Variants in CACNA1A observed in about 807,000 individuals in gnomAD.
CACNA1A encodes the protein calcium voltage-gated channel subunit alpha1 A.
In CACNA1A, 57 loss-of-function variants were observed where a neutral mutation model predicts 262.4. The observed-to-expected ratio is 0.22, with a 90% CI of 0.18 to 0.27. The LOEUF (loss-of-function observed/expected upper bound fraction) is 0.27. Among genes scored for constraint, CACNA1A ranks in the 10% least tolerant of loss-of-function variants. The pLI is 1.00. For synonymous variants in CACNA1A, 1,431 were observed against 1,419.3 expected, an observed-to-expected ratio of 1.01 and a Z score of -0.18; for missense variants, 2,526 against 3,562.8, an observed-to-expected ratio of 0.71 and a Z score of 7.41.
intron 3 of CACNA1A, among the ~76,000 whole-genome samples, chr19:13,402,757 CACATATATATACATATATAT>C (rs1451727680): frequency 2.8e-5 from 4 of 140,824 alleles, no homozygotes; most frequent in Non-Finnish European, 3.0e-5. Flanking sequence ...TATATATACA[CACATATATATACATATATAT>C]ACATATATAT....
At chr19:13,323,769 T>C (rs1213413139) in intron 10 of CACNA1A, among the ~76,000 whole-genome samples, 1 of 152,232 alleles carries the variant, frequency 6.6e-6, no homozygotes, top group African/African-American at 2.4e-5. Flanking sequence ...AATTTTTTAG[T>C]TTGATACGAT....
In CACNA1A at chr19:13,277,107, C is replaced by G; in HGVS notation, c.3844G>C (p.Val1282Leu). Reference protein sequence around the residue: ...RNNVLRYFDYVFTGVFTFEMV... With the variant: ...RNNVLRYFDYLFTGVFTFEMV... ...TCAAAGGTAAAGACGCCTGTAAAAA[C>G]GTAGTCAAAGTATCGCAGCACCTGT... The change falls in exon 23 of 47, where the codon GTT becomes CTT. Residue 1282 changes from valine to leucine, a missense_variant. Around this residue, in one of 17 missense-constraint regions of CACNA1A, gnomAD observed 137 missense variants for 377.7 expected, o/e 0.36. Transcript: ENST00000360228. 1.2e-6 allele frequency: 2 copies of G among 1,612,396 alleles called. No homozygotes were observed. The highest frequency in any genetic ancestry group is 2.2e-5 in the East Asian group (1 of 44,842).
chr19:13,215,764 G>C (rs1029801772), intron 38 of CACNA1A, among the ~76,000 whole-genome samples: 1 of 151,842 alleles, frequency 6.6e-6, no homozygotes, highest in Non-Finnish European at 1.5e-5. Flanking sequence ...CTACAGGCAC[G>C]CACCACCATG....
intron 3 of CACNA1A, among the ~76,000 whole-genome samples, chr19:13,443,672 C>T (rs952442372): frequency 5.3e-5 from 8 of 152,118 alleles, no homozygotes; most frequent in African/African-American, 1.9e-4. Flanking sequence ...ATATTGTAAG[C>T]ACCTCATAAG....
intron 10 of CACNA1A, among the ~76,000 whole-genome samples, chr19:13,321,463 A>G (rs1237177969): frequency 6.6e-6 from 1 of 152,178 alleles, no homozygotes; most frequent in Non-Finnish European, 1.5e-5. Flanking sequence ...TGGCTTAATG[A>G]GGGAGACGTG....
chr19:13,376,509 T>G, intron 3 of CACNA1A, among the ~76,000 whole-genome samples: 1 of 151,500 alleles, frequency 6.6e-6, no homozygotes, highest in Non-Finnish European at 1.5e-5. Flanking sequence ...ACTGATATTT[T>G]AAGCCCACTG....
intron 1 of CACNA1A, among the ~76,000 whole-genome samples, chr19:13,485,757 C>T (rs2145101138): frequency 6.6e-6 from 1 of 152,302 alleles, no homozygotes; most frequent in East Asian, 1.9e-4. Flanking sequence ...TGCTCACCCA[C>T]CACCGGCAGG....
chr19:13,433,142 A>G (rs1191048817), intron 3 of CACNA1A, among the ~76,000 whole-genome samples: 1 of 151,640 alleles, frequency 6.6e-6, no homozygotes, highest in South Asian at 2.1e-4. Flanking sequence ...AAATACAAAA[A>G]ATTAGCCAGG....
In CACNA1A at chr19:13,466,877, A is replaced by ATTATTTATTTATTTATTTAT. The variant is rs59575263; in HGVS notation, c.294-11685_294-11666dup. On this transcript the variant is annotated intron_variant, in intron 1 of 46. Coordinates refer to ENST00000360228, the MANE Select transcript of CACNA1A (RefSeq NM_001127222.2). ...CCTTCCCTCTCTCTTTTAAATTTCCATTATTTATTTATTTATTTATTTATT... is the reference window on the plus strand; with the variant it reads ...CCTTCCCTCTCTCTTTTAAATTTCCATTATTTATTTATTTATTTATTTATTTATTTATTTATTTATTTATT... Among the ~76,000 whole-genome samples, 1,374 of 142,580 alleles carry ATTATTTATTTATTTATTTAT rather than the reference A, an allele frequency of 9.6e-3. 13 individuals carry two copies. Among genetic ancestry groups the ATTATTTATTTATTTATTTAT allele is most frequent in the Middle Eastern group, 0.017 (5 of 288 alleles). The allele number at this position is 142,580 out of a possible 152,430, so 93.5% of individuals were successfully genotyped here.
chr19:13,335,465 A>C (rs2058547351), intron 7 of CACNA1A, among the ~76,000 whole-genome samples: 2 of 152,236 alleles, frequency 1.3e-5, no homozygotes, highest in Non-Finnish European at 2.9e-5. Context: ...AGCCAAAAAA[A>C]TCTTGGGGAT....
At chr19:13,433,930 T>C (rs946641982) in intron 3 of CACNA1A, among the ~76,000 whole-genome samples, 1 of 152,172 alleles carries the variant, frequency 6.6e-6, no homozygotes, top group Non-Finnish European at 1.5e-5. Context: ...ACTCCATGTA[T>C]TGAGTGTGGC....
rs1252967445 is a variant in CACNA1A at position 13,241,007 on chromosome 19, A to G, written c.4950+4175T>C. Among the ~76,000 whole-genome samples, 2 of 152,208 alleles carry G rather than the reference A, an allele frequency of 1.3e-5. No individual in the cohort carries two copies. The highest frequency in any genetic ancestry group is 4.8e-5 in the African/African-American group (2 of 41,448). On this transcript the variant is annotated intron_variant, in intron 31 of 46. Coordinates refer to ENST00000360228, the MANE Select transcript of CACNA1A (RefSeq NM_001127222.2). This position sits in a 1 kb window ranked among gnomAD's most constrained non-coding sequence, Gnocchi z 4.0. ...TCTCCTTTATCAGACTTGGAGAGTC[A>G]AGTCTCTGCTGGTCAAGGCCAAAGA...
chr19:13,248,708 T>C lies in CACNA1A; in HGVS notation c.4867-3443A>G, dbSNP rs543011640. ...AAATACAAAAATTAGCCGGGCGTGATGGTGGGCGCCTGTAATCCCAACTAG... is the reference window on the plus strand; with the variant it reads ...AAATACAAAAATTAGCCGGGCGTGACGGTGGGCGCCTGTAATCCCAACTAG... On this transcript the variant is annotated intron_variant, in intron 30 of 46. Coordinates refer to ENST00000360228, the MANE Select transcript of CACNA1A (RefSeq NM_001127222.2). Among the ~76,000 whole-genome samples the C allele has an allele frequency of 7.3e-3, 1,112 of 151,896 alleles. 17 individuals carry two copies. Among genetic ancestry groups the C allele is most frequent in the African/African-American group, 0.026 (1,066 of 41,434 alleles).
intron 38 of CACNA1A, among the ~76,000 whole-genome samples, chr19:13,216,665 A>G (rs1316709805): frequency 1.8e-4 from 1 of 5,556 alleles, no homozygotes; most frequent in African/African-American, 1.4e-3. Context: ...CTATCTATCT[A>G]TCTATCTATC....
chr19:13,427,166 C>T (rs935142842), intron 3 of CACNA1A, among the ~76,000 whole-genome samples: 1 of 152,048 alleles, frequency 6.6e-6, no homozygotes, highest in Non-Finnish European at 1.5e-5. Context: ...AGTGGTCCCC[C>T]CCAGGGCATG....
intron 2 of CACNA1A, among the ~76,000 whole-genome samples, chr19:13,454,313 T>C (rs2060966568): frequency 2.0e-5 from 3 of 151,654 alleles, no homozygotes; most frequent in Admixed American, 6.6e-5. Flanking sequence ...CCTTCTCCTA[T>C]ATCTCACCCT....
intron 1 of CACNA1A, among the ~76,000 whole-genome samples, chr19:13,457,930 C>T (rs974022313): frequency 6.6e-5 from 10 of 151,294 alleles, no homozygotes; most frequent in South Asian, 4.2e-4. Context: ...TTATGCCAAG[C>T]GAAAGAAGCA....
chr19:13,392,698 T>C (rs2059730267), intron 3 of CACNA1A, among the ~76,000 whole-genome samples: 1 of 152,046 alleles, frequency 6.6e-6, no homozygotes, highest in Non-Finnish European at 1.5e-5. Flanking sequence ...TCCCAAACAC[T>C]TGGGAAAACT....
chr19:13,303,378 G>A (rs2057828002), intron 17 of CACNA1A, among the ~76,000 whole-genome samples, 168 bp downstream of exon 17: 1 of 152,076 alleles, frequency 6.6e-6, no homozygotes, highest in Admixed American at 6.5e-5. Context: ...GTCTGTTTCT[G>A]GGAGTGGGGG....
Sources: allele counts gnomAD v4.1 joint callset (sites outside exome capture counted in the v4.1 genomes callset), GRCh38; gene constraint gnomAD v4.1.1; regional missense constraint gnomAD v4.1.1; non-coding constraint Gnocchi (gnomAD v3.1); transcripts MANE v1.5; gene names NCBI Gene and HGNC (gene_info 2026-07-23, HGNC 2026-07-21).